Variants in SPOCK3 observed in about 807,000 individuals in gnomAD.
SPOCK3 encodes testican-3.
A neutral mutation model predicts 56.6 loss-of-function variants in SPOCK3; 30 were observed. That is an observed-to-expected ratio of 0.53 (90% CI 0.40 to 0.72). The LOEUF (loss-of-function observed/expected upper bound fraction) is 0.72. SPOCK3 is among the 30% of genes least tolerant of loss of function. The pLI, the probability that SPOCK3 is intolerant of heterozygous loss-of-function variation, is 0.00. For synonymous variants in SPOCK3, 196 were observed against 183.3 expected, an observed-to-expected ratio of 1.07 and a Z score of -0.56; for missense variants, 527 against 530.0, an observed-to-expected ratio of 0.99 and a Z score of 0.06.
At chr4:166,972,753 TAAC>T (rs1745524560) in intron 4 of SPOCK3, among the ~76,000 whole-genome samples, 2 of 151,596 alleles carry the variant, frequency 1.3e-5, no homozygotes, top group Admixed American at 6.6e-5. Context: ...ACTACAGTCT[TAAC>T]AATATATTAA....
chr4:167,151,031 T>A lies in SPOCK3; in HGVS notation c.189+82954A>T, dbSNP rs527404725. On this transcript the variant is annotated intron_variant, in intron 2 of 10. Coordinates refer to ENST00000357545, the MANE Select transcript of SPOCK3 (RefSeq NM_001040159.2). ...GAAGACAATATTGCATCTGAGCCCATCATCTGGTGAAGCATGACACATGTT... is the reference window on the plus strand; with the variant it reads ...GAAGACAATATTGCATCTGAGCCCAACATCTGGTGAAGCATGACACATGTT... 5.9e-5 allele frequency among the ~76,000 whole-genome samples: 9 copies of A among 152,286 alleles called. No individual in the cohort carries two copies. In the South Asian group the frequency reaches 1.9e-3, roughly 32 times the overall value.
intron 2 of SPOCK3, among the ~76,000 whole-genome samples, chr4:167,141,146 G>T (rs914030323): frequency 6.6e-6 from 1 of 151,844 alleles, no homozygotes; most frequent in Non-Finnish European, 1.5e-5. Flanking sequence ...AACAGATTTG[G>T]ACTTCAGCCC....
chr4:167,204,894 C>T (rs1733879726), intron 2 of SPOCK3, among the ~76,000 whole-genome samples: 1 of 150,882 alleles, frequency 6.6e-6, no homozygotes, highest in Admixed American at 6.7e-5. Context: ...GTTACTACCA[C>T]AGTTCACTGC....
intron 3 of SPOCK3, among the ~76,000 whole-genome samples, chr4:167,057,247 G>C (rs996060397): frequency 2.6e-5 from 4 of 152,264 alleles, no homozygotes; most frequent in African/African-American, 9.6e-5. Context: ...CAGCGATTTT[G>C]TCACCACCAG....
chr4:166,866,174 A>G (rs1731815643), intron 6 of SPOCK3, among the ~76,000 whole-genome samples: 1 of 152,150 alleles, frequency 6.6e-6, no homozygotes, highest in Non-Finnish European at 1.5e-5. Context: ...AAAACAAGCA[A>G]TGGGGAAAGG....
At chr4:166,960,552 C>G (rs181540461) in intron 4 of SPOCK3, among the ~76,000 whole-genome samples, 1 of 152,254 alleles carries the variant, frequency 6.6e-6, no homozygotes, top group East Asian at 1.9e-4. Context: ...TCAAACTATG[C>G]CATACAAATA....
intron 4 of SPOCK3, among the ~76,000 whole-genome samples, chr4:166,927,986 C>A (rs904968596): frequency 1.3e-5 from 2 of 152,148 alleles, no homozygotes; most frequent in African/African-American, 4.8e-5. Flanking sequence ...AGTTGATCTA[C>A]AGCATATGTT....
chr4:166,783,871 T>A (rs1351508192), intron 7 of SPOCK3, among the ~76,000 whole-genome samples: 1 of 152,182 alleles, frequency 6.6e-6, no homozygotes, highest in Non-Finnish European at 1.5e-5. Context: ...AGGAATAATG[T>A]TTATAATTGA....
rs1019774473 is a variant in SPOCK3, at chr4:167,157,296, T to A, written c.189+76689A>T. 2.2e-4 allele frequency among the ~76,000 whole-genome samples: 33 copies of A among 152,086 alleles called. 1 individual carries two copies. The highest frequency in any genetic ancestry group is 4.4e-4 in the Non-Finnish European group (30 of 67,992). ...GCTCTGACATGGTCTAAGTATAGTA[T>A]TATCTCATGACTTCGGAAAGATAAG... On this transcript the variant is annotated intron_variant, in intron 2 of 10. Coordinates refer to ENST00000357545, the MANE Select transcript of SPOCK3 (RefSeq NM_001040159.2).
intron 2 of SPOCK3, among the ~76,000 whole-genome samples, chr4:167,116,909 GTGTGTA>G (rs1346934683): frequency 5.7e-5 from 7 of 123,518 alleles, no homozygotes; most frequent in African/African-American, 1.1e-4. Flanking sequence ...TTGTGTGTGT[GTGTGTA>G]TATATATATA....
At chr4:167,031,064 A>G (rs1400048996) in intron 3 of SPOCK3, among the ~76,000 whole-genome samples, 3 of 152,110 alleles carry the variant, frequency 2.0e-5, no homozygotes, top group Non-Finnish European at 4.4e-5. Flanking sequence ...GTAAACAACC[A>G]AAAGTTAAAA....
chr4:167,003,775 G>A (rs534237853), intron 3 of SPOCK3, among the ~76,000 whole-genome samples: 15 of 152,274 alleles, frequency 9.9e-5, no homozygotes, highest in Non-Finnish European at 2.1e-4. Flanking sequence ...AAACTAACCT[G>A]GGTACCTGAC....
At chr4:167,188,093 T>C (rs1353436060) in intron 2 of SPOCK3, among the ~76,000 whole-genome samples, 2 of 118,256 alleles carry the variant, frequency 1.7e-5, no homozygotes, top group African/African-American at 3.7e-5. Context: ...AATCCCACGA[T>C]AATCCAGATA....
At chr4:166,764,432 C>T (rs963902309) in intron 7 of SPOCK3, among the ~76,000 whole-genome samples, 18 of 151,896 alleles carry the variant, frequency 1.2e-4, no homozygotes, top group African/African-American at 4.1e-4. Flanking sequence ...TGAGTGAGAA[C>T]ATGCGGTGTT....
At chr4:167,053,742 A>C (rs1187115836) in intron 3 of SPOCK3, among the ~76,000 whole-genome samples, 1 of 152,056 alleles carries the variant, frequency 6.6e-6, no homozygotes, top group African/African-American at 2.4e-5. Flanking sequence ...CTGCAATCTA[A>C]TGAACCAGTA....
chr4:166,978,693 G>A (rs1056216690), intron 4 of SPOCK3, among the ~76,000 whole-genome samples: 4 of 152,160 alleles, frequency 2.6e-5, no homozygotes, highest in African/African-American at 9.7e-5. Flanking sequence ...AGGAGGAAGA[G>A]GAGGGGGAGA....
intron 4 of SPOCK3, among the ~76,000 whole-genome samples, chr4:166,947,240 GC>G (rs1561041168): frequency 6.6e-6 from 1 of 152,000 alleles, no homozygotes; most frequent in Non-Finnish European, 1.5e-5. Context: ...ACAGCCCCAT[GC>G]TTTGTTCTAA....
At chr4:167,031,206 G>A (rs1342926091) in intron 3 of SPOCK3, among the ~76,000 whole-genome samples, 1 of 151,800 alleles carries the variant, frequency 6.6e-6, no homozygotes, top group Non-Finnish European at 1.5e-5. Flanking sequence ...CTGTGCCAAG[G>A]TTACTGACTC....
At chr4:166,814,581 G>A (rs908356632) in intron 6 of SPOCK3, among the ~76,000 whole-genome samples, 2 of 152,028 alleles carry the variant, frequency 1.3e-5, no homozygotes, top group Non-Finnish European at 2.9e-5. Flanking sequence ...TCCTGACCTT[G>A]GACATCAGAC....
Sources: gnomAD v4.1 joint callset for allele counts (sites outside exome capture counted in the v4.1 genomes callset) on GRCh38, gnomAD v4.1.1 for gene constraint, MANE v1.5 for transcripts, NCBI Gene and HGNC (gene_info 2026-07-23, HGNC 2026-07-21) for gene names.